The following KLHDC4 variants were observed in gnomAD, a reference collection of about 807,000 sequenced individuals.
KLHDC4 encodes kelch domain-containing protein 4.
Under a neutral mutation model 62.4 loss-of-function variants are expected in KLHDC4, and 90 were observed. The observed-to-expected ratio is 1.44, with a 90% CI of 1.22 to 1.72. The LOEUF (loss-of-function observed/expected upper bound fraction) is 1.72, where lower values mean the gene tolerates loss of function less well. Ranked by LOEUF, KLHDC4 falls within the 40% of genes most tolerant of loss-of-function variation. The probability of loss-of-function intolerance (pLI) is 0.00; values close to 1 mark genes in which losing one functional copy is unlikely to be tolerated. For missense variants in KLHDC4, 1,025 were observed against 699.7 expected (o/e 1.47, Z -5.25); for synonymous variants, 386 against 284.4 (o/e 1.36, Z -3.59).
chr16:87,737,104 G>T (rs1158311816), intron 5 of KLHDC4, among the ~76,000 whole-genome samples: 1 of 6,572 alleles, frequency 1.5e-4, no homozygotes, highest in Non-Finnish European at 3.6e-4. Flanking sequence ...CAGCCTGGGC[G>T]ACAAAAAAAA....
exon 1 of KLHDC4, chr16:87,701,761 G>A (rs1567628415): frequency 2.2e-6 from 1 of 456,762 alleles, no homozygotes; most frequent in Non-Finnish European, 4.4e-6. Context: ...GTCCTCCCAA[G>A]CGTGCACACC....
chr16:87,702,876 A>T (rs561259810), downstream of KLHDC4: 1 of 152,938 alleles, frequency 6.5e-6, no homozygotes, highest in Non-Finnish European at 1.5e-5. Flanking sequence ...GTGGTTTAAA[A>T]AGTTACCCTG....
intron 4 of KLHDC4, among the ~76,000 whole-genome samples, chr16:87,749,187 T>C (rs1454557618): frequency 6.6e-6 from 1 of 152,072 alleles, no homozygotes; most frequent in Admixed American, 6.6e-5. Flanking sequence ...GCTGTCTGCC[T>C]GCTCTCGTTA....
At chr16:87,736,015 T>C (rs1420658185) in intron 5 of KLHDC4, among the ~76,000 whole-genome samples, 2 of 152,252 alleles carry the variant, frequency 1.3e-5, no homozygotes, top group African/African-American at 2.4e-5. Context: ...TGAGTGACTT[T>C]ACAGTCTACA....
chr16:87,730,893 G>A, intron 5 of KLHDC4: 3 of 376,098 alleles, frequency 8.0e-6, no homozygotes, highest in South Asian at 6.6e-5. Context: ...ACTGCATAAA[G>A]ATTTCCTAGG....
chr16:87,708,035 G>A lies in KLHDC4; in HGVS notation c.*42C>T, dbSNP rs774064460. 1.4e-4 allele frequency: 70 copies of A among 518,108 alleles called. No homozygotes were observed. The highest frequency in any genetic ancestry group is 2.0e-4 in the Admixed American group (9 of 44,236). 32.1% of individuals were successfully genotyped at this position (518,108 alleles called of 1,614,324 possible). Reference sequence around the variant, plus strand: ...CAACACGGCTGGGTCCTGGGCGGACGTGGGCACAGCACTTGCCAGGCGCCC... The same window carrying A: ...CAACACGGCTGGGTCCTGGGCGGACATGGGCACAGCACTTGCCAGGCGCCC... On this transcript the variant is annotated 3_prime_UTR_variant, in exon 12 of 12. Coordinates refer to ENST00000270583, the MANE Select transcript of KLHDC4 (RefSeq NM_017566.4).
At chr16:87,715,688 T>C (rs778939809) in intron 7 of KLHDC4, among the ~76,000 whole-genome samples, 13 of 152,140 alleles carry the variant, frequency 8.5e-5, no homozygotes, top group Non-Finnish European at 1.9e-4. Flanking sequence ...ATCCCCGGGG[T>C]GAAGTGCCCA....
chr16:87,719,653 G>T (rs1231154392), intron 7 of KLHDC4, among the ~76,000 whole-genome samples: 4 of 142,010 alleles, frequency 2.8e-5, no homozygotes, highest in Admixed American at 1.4e-4. Flanking sequence ...AAACACCCAA[G>T]AATGATCAAT....
chr16:87,765,742 G>A (rs531147440), intron 1 of KLHDC4, 50 bp downstream of exon 1: 4 of 1,520,928 alleles, frequency 2.6e-6, no homozygotes, highest in Admixed American at 2.0e-5. Flanking sequence ...AGTCGGCCGA[G>A]GCTGCACGGC....
At chr16:87,712,663 G>A (rs549111544) in intron 8 of KLHDC4, among the ~76,000 whole-genome samples, 1 of 152,266 alleles carries the variant, frequency 6.6e-6, no homozygotes, top group Non-Finnish European at 1.5e-5. Context: ...CAGGGCCCTG[G>A]GAGAGGCACC....
chr16:87,717,490 T>G (rs192029921), intron 7 of KLHDC4, among the ~76,000 whole-genome samples: 1 of 152,212 alleles, frequency 6.6e-6, no homozygotes, highest in African/African-American at 2.4e-5. Context: ...GGGCTCCACA[T>G]TGGCCATATG....
intron 8 of KLHDC4, among the ~76,000 whole-genome samples, chr16:87,714,251 G>C (rs1269905506): frequency 1.3e-5 from 2 of 152,184 alleles, no homozygotes; most frequent in East Asian, 3.9e-4. Context: ...TGTCTGCAGG[G>C]TAACAGCGCC....
intron 5 of KLHDC4, chr16:87,747,616 C>T (rs1399630793): frequency 1.3e-5 from 2 of 152,290 alleles, no homozygotes; most frequent in Non-Finnish European, 2.9e-5. Flanking sequence ...ATGTCCTCCT[C>T]CAGCAGGTGG....
At chr16:87,730,687 T>G in intron 5 of KLHDC4, 43 bp from the exon 6 acceptor site, 1 of 1,532,002 alleles carries the variant, frequency 6.5e-7, no homozygotes, top group Non-Finnish European at 8.9e-7. Flanking sequence ...CCTGCTTAAT[T>G]TCTGGTTGTT....
At position 87,745,988 on chromosome 16, in the gene KLHDC4, G is replaced by A. The variant is rs550433365; in HGVS notation, c.506+2685C>T. Among the ~76,000 whole-genome samples, 8 of 152,174 alleles carry A rather than the reference G, an allele frequency of 5.3e-5. No homozygotes were observed. The South Asian group carries it at 1.5e-3, about 28-fold the overall frequency. On this transcript the variant is annotated intron_variant, in intron 5 of 11. Transcript: ENST00000270583. ...TACAGAAATTAAGCAGCTCAGCCTG[G>A]CACAGTGGCTCACACCTATAATCCC...
exon 1 of KLHDC4, chr16:87,702,329 G>A (rs569016471): frequency 6.6e-6 from 3 of 455,322 alleles, no homozygotes; most frequent in Non-Finnish European, 1.3e-5. Flanking sequence ...CTGGGGTCAG[G>A]CTGAGAGAGG....
chr16:87,725,490 G>C (rs1309304037), intron 7 of KLHDC4, among the ~76,000 whole-genome samples: 1 of 152,172 alleles, frequency 6.6e-6, no homozygotes, highest in Admixed American at 6.5e-5. Flanking sequence ...CTTAATAGCA[G>C]GATCTAGGAG....
At chr16:87,712,270 T>C (rs2036041294) in intron 8 of KLHDC4, among the ~76,000 whole-genome samples, 1 of 151,436 alleles carries the variant, frequency 6.6e-6, no homozygotes, top group African/African-American at 2.4e-5. Flanking sequence ...TTTCCTCCAA[T>C]GAACATTTAA....
chr16:87,746,003 C>T (rs1045308955), intron 5 of KLHDC4, among the ~76,000 whole-genome samples: 1 of 152,094 alleles, frequency 6.6e-6, no homozygotes, highest in African/African-American at 2.4e-5. Flanking sequence ...GTGGCTCACA[C>T]CTATAATCCC....
Sources: allele counts gnomAD v4.1 joint callset (sites outside exome capture counted in the v4.1 genomes callset), GRCh38; gene constraint gnomAD v4.1.1; transcripts MANE v1.5; gene names NCBI Gene and HGNC (gene_info 2026-07-23, HGNC 2026-07-21).